GRIA2: variants seen among roughly 807,000 people sequenced by gnomAD.
GRIA2 encodes the protein glutamate ionotropic receptor AMPA type subunit 2.
In GRIA2, 14 loss-of-function variants were observed where a neutral mutation model predicts 97.3. The ratio of observed to expected loss-of-function variants is 0.14; its 90% CI spans 0.10 to 0.23. The LOEUF is 0.23. Among genes scored for constraint, GRIA2 ranks in the 10% least tolerant of loss-of-function variants. The probability of loss-of-function intolerance (pLI) is 1.00; values close to 1 mark genes in which losing one functional copy is unlikely to be tolerated. For missense variants in GRIA2, 558 were observed against 1,069.8 expected (o/e 0.52, Z 6.67); for synonymous variants, 412 against 387.8 (o/e 1.06, Z -0.73).
chr4:157,344,197 A>G (rs996643092), intron 12 of GRIA2, among the ~76,000 whole-genome samples: 1 of 152,116 alleles, frequency 6.6e-6, no homozygotes, highest in Non-Finnish European at 1.5e-5. Context: ...TTGTTTCCTT[A>G]AATCATAGGG....
At chr4:157,316,591 G>A (rs1033640629) in intron 4 of GRIA2, among the ~76,000 whole-genome samples, 1 of 152,004 alleles carries the variant, frequency 6.6e-6, no homozygotes, top group Non-Finnish European at 1.5e-5. Flanking sequence ...AGCAAAATGT[G>A]TGAAGCCCTA....
At chr4:157,273,552 G>C (rs1732134294) in intron 2 of GRIA2, among the ~76,000 whole-genome samples, 2 of 151,956 alleles carry the variant, frequency 1.3e-5, no homozygotes, top group Admixed American at 1.3e-4. Context: ...GAATAAAAAA[G>C]AAATACTAGA....
chr4:157,353,086 C>T (rs1736087648), intron 12 of GRIA2, among the ~76,000 whole-genome samples: 1 of 152,160 alleles, frequency 6.6e-6, no homozygotes, highest in Admixed American at 6.5e-5. Context: ...GGCGTGCTAG[C>T]TCACGCCTGT....
rs1440485218 is a variant in GRIA2 at position 157,361,481 on chromosome 4, T to C, written c.2406+357T>C. ...ACAAAGCTCTTGAATCAGTATTATG[T>C]AATGAATAACATAAAATAACATTGA... On this transcript the variant is annotated intron_variant, in intron 14 of 15. Transcript: ENST00000264426. The surrounding 1 kb of genome is among the most constrained non-coding windows in gnomAD (Gnocchi z 5.2). 1.4e-5 allele frequency: 17 copies of C among 1,255,180 alleles called. No individual in the cohort carries two copies. The highest frequency in any genetic ancestry group is 2.0e-5 in the Non-Finnish European group (17 of 860,234). The allele number at this position is 1,255,180 out of a possible 1,614,324, so 77.8% of individuals were successfully genotyped here.
chr4:157,299,723 C>A (rs1020485644), intron 2 of GRIA2, among the ~76,000 whole-genome samples: 1 of 152,138 alleles, frequency 6.6e-6, no homozygotes. Flanking sequence ...AGGAGATTAT[C>A]ATTTCTGCTG....
At chr4:157,349,957 C>T (rs1735935905) in intron 12 of GRIA2, among the ~76,000 whole-genome samples, 1 of 152,058 alleles carries the variant, frequency 6.6e-6, no homozygotes, top group Non-Finnish European at 1.5e-5. Context: ...AATTAGTTTC[C>T]AAATTCTGTT....
At chr4:157,338,025 T>TAC (rs1735374922) in intron 11 of GRIA2, among the ~76,000 whole-genome samples, 1 of 12,046 alleles carries the variant, frequency 8.3e-5, no homozygotes, top group South Asian at 8.8e-3. Flanking sequence ...TATATATATA[T>TAC]ATATATATAT....
At chr4:157,228,802 A>AAC (rs1403197647) in intron 2 of GRIA2, among the ~76,000 whole-genome samples, 5 of 150,636 alleles carry the variant, frequency 3.3e-5, no homozygotes, top group Admixed American at 6.6e-5. Context: ...AAAAAAAAAA[A>AAC]AAAAAAAAGA....
chr4:157,361,951 T>C lies in GRIA2; in HGVS notation c.2406+827T>C, dbSNP rs963122069. 3.9e-5 allele frequency among the ~76,000 whole-genome samples: 6 copies of C among 152,172 alleles called. No individual in the cohort carries two copies. Among genetic ancestry groups the C allele is most frequent in the African/African-American group, 1.4e-4 (6 of 41,452 alleles). Reference sequence around the variant, plus strand: ...TACTGAAATAGAGTAAATGGCCTAATGAGAACATTAATGAAACACTTAAGA... The same window carrying C: ...TACTGAAATAGAGTAAATGGCCTAACGAGAACATTAATGAAACACTTAAGA... On this transcript the variant is annotated intron_variant, in intron 14 of 15. Coordinates refer to ENST00000264426, the MANE Select transcript of GRIA2 (RefSeq NM_001083619.3). The surrounding 1 kb of genome is among the most constrained non-coding windows in gnomAD (Gnocchi z 5.2).
At position 157,229,898 on chromosome 4, in the gene GRIA2, A is replaced by G. The variant is rs370268480; in HGVS notation, c.229+8091A>G. ...TGAATTTCAGTGAACCTGAGAAGGT[A>G]CTCCTGCAATGTAAATATTTTTAGT... On this transcript the variant is annotated intron_variant, in intron 2 of 15. Coordinates refer to ENST00000264426, the MANE Select transcript of GRIA2 (RefSeq NM_001083619.3). Among the ~76,000 whole-genome samples the G allele has an allele frequency of 2.6e-5, 4 of 152,258 alleles. No individual in the cohort carries two copies. In the East Asian group the frequency reaches 5.8e-4, roughly 22 times the overall value.
At chr4:157,250,276 C>A (rs1730964203) in intron 2 of GRIA2, among the ~76,000 whole-genome samples, 1 of 151,988 alleles carries the variant, frequency 6.6e-6, no homozygotes, top group Non-Finnish European at 1.5e-5. Flanking sequence ...GATGAAAAAT[C>A]TTATTTAATT....
chr4:157,325,120 C>T (rs893412171), intron 6 of GRIA2, among the ~76,000 whole-genome samples: 1 of 152,082 alleles, frequency 6.6e-6, no homozygotes, highest in Non-Finnish European at 1.5e-5. Context: ...TATATCAAAT[C>T]GTGGGAGTAA....
intron 2 of GRIA2, among the ~76,000 whole-genome samples, chr4:157,269,374 C>T (rs940154782): frequency 2.0e-5 from 3 of 152,058 alleles, no homozygotes; most frequent in East Asian, 1.9e-4. Context: ...CTCCCCAAAA[C>T]GGTTCTGAGA....
Position 157,332,250 on chromosome 4 carries a change from A to AT in GRIA2, c.883-568dup, listed in dbSNP as rs1233934294. On this transcript the variant is annotated intron_variant, in intron 6 of 15. Coordinates refer to ENST00000264426, the MANE Select transcript of GRIA2 (RefSeq NM_001083619.3). ...TCATATACTATTGAAGCATGGAGGCATGGGGGCATAGAAATTATGAAGTTT... is the reference window on the plus strand; with the variant it reads ...TCATATACTATTGAAGCATGGAGGCATTGGGGGCATAGAAATTATGAAGTTT... 2.6e-5 allele frequency among the ~76,000 whole-genome samples: 4 copies of AT among 152,126 alleles called. No homozygotes were observed. In the South Asian group the frequency reaches 8.3e-4, roughly 31 times the overall value.
intron 2 of GRIA2, among the ~76,000 whole-genome samples, chr4:157,257,800 T>C (rs1731345737): frequency 6.6e-6 from 1 of 152,080 alleles, no homozygotes; most frequent in East Asian, 1.9e-4. Context: ...TTTTAAAAAA[T>C]GTTAGAGTTC....
chr4:157,225,348 T>G (rs1484053781), intron 2 of GRIA2, among the ~76,000 whole-genome samples: 2 of 152,032 alleles, frequency 1.3e-5, no homozygotes, highest in Non-Finnish European at 2.9e-5. Flanking sequence ...TTTCTTTTCC[T>G]CTCTCCCCTC....
chr4:157,321,650 A>G, intron 6 of GRIA2, 51 bp downstream of exon 6: 2 of 1,336,984 alleles, frequency 1.5e-6, no homozygotes. Flanking sequence ...GAGGAGAGAG[A>G]AGAGTCTTGG....
At chr4:157,266,779 G>A (rs1033495134) in intron 2 of GRIA2, among the ~76,000 whole-genome samples, 4 of 152,092 alleles carry the variant, frequency 2.6e-5, no homozygotes, top group Non-Finnish European at 5.9e-5. Flanking sequence ...AAAAAATAAA[G>A]GAAATGGCCA....
At chr4:157,355,758 ATTAG>A (rs1161570107) in intron 12 of GRIA2, among the ~76,000 whole-genome samples, 4 of 54,694 alleles carry the variant, frequency 7.3e-5, no homozygotes, top group African/African-American at 1.8e-4. Context: ...ATTTACATAT[ATTAG>A]TTATATATAT....
Sources: allele counts gnomAD v4.1 joint callset (sites outside exome capture counted in the v4.1 genomes callset), GRCh38; gene constraint gnomAD v4.1.1; non-coding constraint Gnocchi (gnomAD v3.1); transcripts MANE v1.5; gene names NCBI Gene and HGNC (gene_info 2026-07-23, HGNC 2026-07-21).